The following DENND5A variants were observed in gnomAD, a reference collection of about 807,000 sequenced individuals.
DENND5A encodes the protein DENN domain containing 5A, also known as DENN domain-containing protein 5A.
In DENND5A, 64 loss-of-function variants were observed where a neutral mutation model predicts 140.3. The ratio of observed to expected loss-of-function variants is 0.46; its 90% confidence interval spans 0.37 to 0.56. The LOEUF is 0.56. Among genes scored for constraint, DENND5A ranks in the 20% least tolerant of loss-of-function variants. DENND5A has a pLI of 0.00. For missense variants in DENND5A, 1,292 were observed against 1,593.8 expected (o/e 0.81, Z 3.22); for synonymous variants, 605 against 607.7 (o/e 1.00, Z 0.07).
intron 5 of DENND5A, 132 bp from the exon 6 acceptor site, chr11:9,181,216 A>G (rs111431800): frequency 1.4e-6 from 1 of 721,764 alleles, no homozygotes; most frequent in African/African-American, 1.8e-5. Context: ...TGGTATAAGG[A>G]AGATAGGGCT....
intron 1 of DENND5A, among the ~76,000 whole-genome samples, chr11:9,243,864 C>T (rs1420021463): frequency 1.3e-5 from 2 of 151,958 alleles, no homozygotes; most frequent in Admixed American, 6.6e-5. Context: ...CCAGCCTGGG[C>T]GACAGAACGA....
intron 2 of DENND5A, 120 bp downstream of exon 2, chr11:9,207,441 C>A: frequency 1.4e-6 from 1 of 690,006 alleles, no homozygotes; most frequent in South Asian, 1.8e-5. Flanking sequence ...TCTGAAAAAT[C>A]TAGTGGTCAA....
In DENND5A at chr11:9,265,118, C is replaced by T. The variant is rs1253325691; in HGVS notation, c.-49G>A. 2.6e-6 allele frequency: 3 copies of T among 1,136,882 alleles called. No individual in the cohort carries two copies. In the African/African-American group the frequency reaches 4.9e-5, roughly 19 times the overall value. The allele number at this position is 1,136,882 out of a possible 1,614,324, so 70.4% of individuals were successfully genotyped here. A position where few individuals can be genotyped will look rare whatever the true frequency, so the allele number is the denominator to read the frequency against. On this transcript the variant is annotated 5_prime_UTR_variant, in exon 1 of 23. Coordinates refer to ENST00000328194, the MANE Select transcript of DENND5A (RefSeq NM_015213.4). This position sits in a 1 kb window ranked among gnomAD's most constrained non-coding sequence, Gnocchi z 4.7. ...GGCAGTGCGGAGCGGCACCGAGCCC[C>T]CGCAACCCGGGCGCCCGCCCGTCCG...
intron 1 of DENND5A, among the ~76,000 whole-genome samples, chr11:9,247,825 C>A (rs955184035): frequency 2.6e-5 from 4 of 152,188 alleles, no homozygotes; most frequent in Non-Finnish European, 5.9e-5. Flanking sequence ...AATGGAGATT[C>A]TCTACAGACT....
rs556068629 is a variant in DENND5A at position 9,151,782 on chromosome 11, C to G, written c.2521+576G>C. On this transcript the variant is annotated intron_variant, in intron 13 of 22. Transcript: ENST00000328194. ...TTGTTTGGCCTCTTCCATGAGCTCA[C>G]TTTGTGATCTTAAGTAAATTCAATT... 2.6e-5 allele frequency among the ~76,000 whole-genome samples: 4 copies of G among 152,280 alleles called. No homozygotes were observed. In the East Asian group the frequency reaches 7.7e-4, roughly 29 times the overall value.
chr11:9,200,387 A>G (rs574797444), intron 4 of DENND5A, among the ~76,000 whole-genome samples: 2 of 152,354 alleles, frequency 1.3e-5, no homozygotes, highest in South Asian at 4.1e-4. Context: ...TCACCCAGAG[A>G]GAGGAGGCTC....
intron 1 of DENND5A, among the ~76,000 whole-genome samples, chr11:9,257,879 G>A (rs1025785559): frequency 5.3e-5 from 8 of 150,872 alleles, no homozygotes; most frequent in East Asian, 3.9e-4. Context: ...TGCAGCCTCC[G>A]CCTCCCAGAT....
At chr11:9,234,585 C>G (rs1216260785) in intron 1 of DENND5A, among the ~76,000 whole-genome samples, 1 of 152,236 alleles carries the variant, frequency 6.6e-6, no homozygotes, top group Non-Finnish European at 1.5e-5. Context: ...AGCACTGTGA[C>G]ATGTTCGCGA....
chr11:9,185,590 T>C (rs1848883127), intron 5 of DENND5A, among the ~76,000 whole-genome samples: 1 of 152,216 alleles, frequency 6.6e-6, no homozygotes, highest in Non-Finnish European at 1.5e-5. Flanking sequence ...AACAGGTTGA[T>C]GGATGCAGCA....
At chr11:9,175,814 A>G (rs1447698882) in intron 8 of DENND5A, 1 of 152,240 alleles carries the variant, frequency 6.6e-6, no homozygotes, top group African/African-American at 2.4e-5. Flanking sequence ...TACAAAATTA[A>G]CTTGAAATGG....
intron 1 of DENND5A, among the ~76,000 whole-genome samples, chr11:9,218,512 G>T (rs377391757): frequency 6.6e-6 from 1 of 152,216 alleles, no homozygotes; most frequent in East Asian, 1.9e-4. Context: ...GATCACTTAA[G>T]CCCAGGAGTT....
chr11:9,263,484 A>C lies in DENND5A; in HGVS notation c.109+1477T>G, dbSNP rs60160155. On this transcript the variant is annotated intron_variant, in intron 1 of 22. Coordinates refer to ENST00000328194, the MANE Select transcript of DENND5A (RefSeq NM_015213.4). Reference sequence around the variant, plus strand: ...TGACCCGCCCGCCTCGGCCTCCCAAAGTGCTGGGATTACCCCTGAGCCGCC... The same window carrying C: ...TGACCCGCCCGCCTCGGCCTCCCAACGTGCTGGGATTACCCCTGAGCCGCC... Among the ~76,000 whole-genome samples the C allele has an allele frequency of 1.8e-4, 27 of 150,598 alleles. No individual in the cohort carries two copies. The East Asian group carries it at 5.1e-3, about 28-fold the overall frequency.
At chr11:9,259,527 C>T (rs1199033070) in intron 1 of DENND5A, among the ~76,000 whole-genome samples, 1 of 151,780 alleles carries the variant, frequency 6.6e-6, no homozygotes, top group Non-Finnish European at 1.5e-5. Context: ...GATCGTGCCA[C>T]TGCACGCCAG....
At position 9,170,796 on chromosome 11, in the gene DENND5A, A is replaced by G; in HGVS notation, c.1907-19T>C. On this transcript the variant is annotated intron_variant, in intron 8 of 22. Coordinates refer to ENST00000328194, the MANE Select transcript of DENND5A (RefSeq NM_015213.4). ...GCTTTCTCTGGATGAGAATACACAC[A>G]CACACACACACACACACACACATAA... 1 of 1,596,936 alleles carries G rather than the reference A, an allele frequency of 6.3e-7. No individual in the cohort carries two copies.
intron 1 of DENND5A, among the ~76,000 whole-genome samples, chr11:9,242,014 C>CAAAA (rs965240891): frequency 1.7e-5 from 1 of 58,166 alleles, no homozygotes; most frequent in Non-Finnish European, 3.7e-5. Flanking sequence ...AACTCCGTCT[C>CAAAA]AAAAAAAAAA....
At chr11:9,194,848 T>C (rs1413850568) in intron 4 of DENND5A, among the ~76,000 whole-genome samples, 31 of 149,628 alleles carry the variant, frequency 2.1e-4, no homozygotes, top group Non-Finnish European at 2.8e-4. Flanking sequence ...GCCTCCCGAG[T>C]AGCTGGGATT....
At chr11:9,191,195 G>A (rs562740134) in intron 5 of DENND5A, among the ~76,000 whole-genome samples, 50 of 152,116 alleles carry the variant, frequency 3.3e-4, no homozygotes, top group Admixed American at 3.1e-3. Context: ...CAGAACAGAG[G>A]GAACTTTTGG....
At chr11:9,244,071 C>T (rs1040063455) in intron 1 of DENND5A, among the ~76,000 whole-genome samples, 36 of 152,248 alleles carry the variant, frequency 2.4e-4, no homozygotes, top group African/African-American at 8.2e-4. Context: ...TCAAAAGTTA[C>T]TTGTGGATTT....
At chr11:9,209,339 T>C (rs957355257) in intron 1 of DENND5A, among the ~76,000 whole-genome samples, 12 of 152,106 alleles carry the variant, frequency 7.9e-5, no homozygotes, top group Non-Finnish European at 1.6e-4. Context: ...AGCTGAGTGA[T>C]TAAGGGGAGA....
Sources: gnomAD v4.1 joint callset for allele counts (sites outside exome capture counted in the v4.1 genomes callset) on GRCh38, gnomAD v4.1.1 for gene constraint, Gnocchi (gnomAD v3.1) non-coding constraint, MANE v1.5 for transcripts, NCBI Gene and HGNC (gene_info 2026-07-23, HGNC 2026-07-21) for gene names.